The following MCFD2 variants were observed in gnomAD, a reference collection of about 807,000 sequenced individuals.
The protein encoded by MCFD2 is multiple coagulation factor deficiency 2, ER cargo receptor complex subunit, also known as multiple coagulation factor deficiency protein 2.
MCFD2 carries 11 observed loss-of-function variants against 12.8 expected under a neutral mutation model. That is an observed-to-expected ratio of 0.86 (90% confidence interval 0.54 to 1.42). The LOEUF (loss-of-function observed/expected upper bound fraction) is 1.42, where lower values mean the gene tolerates loss of function less well. Ranked by LOEUF, MCFD2 falls within the 40% of genes most tolerant of loss-of-function variation. The pLI is 0.00. For synonymous variants in MCFD2, 70 were observed against 68.1 expected (o/e 1.03, Z -0.14); for missense variants, 191 against 178.6 (o/e 1.07, Z -0.40).
chr2:46,941,823 C>T lies in MCFD2; in HGVS notation c.-259G>A. On this transcript the variant is annotated 5_prime_UTR_variant, in exon 1 of 3. Coordinates refer to the MCFD2 transcript ENST00000409147. The surrounding 1 kb of genome is among the most constrained non-coding windows in gnomAD (Gnocchi z 4.2). ...CAGACAGTCCTCGGCCGACAGCGGGCGCCTGCCAGCCCACCGTGCTAGTCT... is the reference window on the plus strand; with the variant it reads ...CAGACAGTCCTCGGCCGACAGCGGGTGCCTGCCAGCCCACCGTGCTAGTCT... 6.9e-7 allele frequency: 1 copy of T among 1,456,680 alleles called. No individual in the cohort carries two copies. The highest frequency in any genetic ancestry group is 9.3e-7 in the Non-Finnish European group (1 of 1,074,628). The allele number at this position is 1,456,680 out of a possible 1,614,324, so 90.2% of individuals were successfully genotyped here. A position where few individuals can be genotyped will look rare whatever the true frequency, so the allele number is the denominator to read the frequency against.
At chr2:46,912,975 A>G (rs1293273580) in intron 1 of MCFD2, among the ~76,000 whole-genome samples, 1 of 151,856 alleles carries the variant, frequency 6.6e-6, no homozygotes, top group African/African-American at 2.4e-5. Flanking sequence ...TCCTCCAACT[A>G]TGTGATTGGA....
upstream of MCFD2, chr2:46,916,035 T>C: frequency 2.0e-6 from 2 of 985,396 alleles, no homozygotes; most frequent in Non-Finnish European, 2.4e-6. Flanking sequence ...CTGGACGCCC[T>C]AGGGGCCCGG....
In MCFD2 at chr2:46,937,431, T is replaced by G. The variant is rs1319885759; in HGVS notation, c.-8+4141A>C. On this transcript the variant is annotated intron_variant, in intron 1 of 2. Transcript: ENST00000409147. This position sits in a 1 kb window ranked among gnomAD's most constrained non-coding sequence, Gnocchi z 4.0. The stretch of plus-strand genomic sequence containing the variant: ...GGATTTTAAGCCCTGTTTTCATTTT[T>G]AGCTGAAAGCCATTGTAAAAGACTC... Among the ~76,000 whole-genome samples the G allele has an allele frequency of 6.6e-6, 1 of 152,222 alleles. No homozygotes were observed. The highest frequency in any genetic ancestry group is 1.5e-5 in the Non-Finnish European group (1 of 68,048).
intron 1 of MCFD2, among the ~76,000 whole-genome samples, chr2:46,924,206 T>TA (rs34177384): frequency 0.025 from 3,225 of 128,584 alleles, 35 homozygotes; most frequent in Middle Eastern, 0.038. Flanking sequence ...CCTGTCTCTT[T>TA]AAAAAAAAAA....
intron 1 of MCFD2, among the ~76,000 whole-genome samples, chr2:46,910,565 A>T (rs1668442982): frequency 6.6e-6 from 1 of 152,188 alleles, no homozygotes. Context: ...CCTGGGGCTG[A>T]GAGGTAGAGG....
intron 1 of MCFD2, among the ~76,000 whole-genome samples, chr2:46,930,394 C>T (rs1247424465): frequency 6.8e-6 from 1 of 146,722 alleles, no homozygotes; most frequent in Non-Finnish European, 1.5e-5. Flanking sequence ...TAATTAACTT[C>T]ATGCCTAAAA....
chr2:46,927,906 T>TTC (rs1386880525), intron 1 of MCFD2, among the ~76,000 whole-genome samples: 1 of 138,298 alleles, frequency 7.2e-6, no homozygotes, highest in African/African-American at 2.7e-5. Flanking sequence ...TTTTTTTTTT[T>TTC]TTTTTGAGAC....
Position 46,908,252 on chromosome 2 carries a change from T to C in MCFD2, c.150-283A>G, listed in dbSNP as rs944378928. On this transcript the variant is annotated intron_variant, in intron 2 of 3. Transcript: ENST00000319466. This position sits in a 1 kb window ranked among gnomAD's most constrained non-coding sequence, Gnocchi z 4.5. ...TTTTCAGGCCATCAATTTAAAAATA[T>C]GTCCTTTAAAACTTTTTTTTTTTTT... The C allele has an allele frequency of 8.4e-6, 4 of 473,652 alleles. No individual in the cohort carries two copies. The highest frequency in any genetic ancestry group is 1.1e-5 in the Non-Finnish European group (3 of 261,198). 29.3% of individuals were successfully genotyped at this position (473,652 alleles called of 1,614,324 possible).
intron 1 of MCFD2, among the ~76,000 whole-genome samples, chr2:46,932,153 C>CTT (rs1173541336): frequency 2.8e-5 from 4 of 144,154 alleles, no homozygotes; most frequent in Non-Finnish European, 4.6e-5. Flanking sequence ...TTCTGGGATT[C>CTT]TTTTTTTTTT....
rs187697216 is a variant in MCFD2 at position 46,911,644 on chromosome 2, C to T, written c.-6-2467G>A. Reference sequence around the variant, plus strand: ...TGAGATTAGAATTGTGATTTTCAGCCGGCATGGTGGCTCGTGCCTGTAATC... The same window carrying T: ...TGAGATTAGAATTGTGATTTTCAGCTGGCATGGTGGCTCGTGCCTGTAATC... On this transcript the variant is annotated intron_variant, in intron 1 of 3. Coordinates refer to ENST00000319466, the MANE Select transcript of MCFD2 (RefSeq NM_139279.6). 8.6e-5 allele frequency among the ~76,000 whole-genome samples: 13 copies of T among 151,942 alleles called. No homozygotes were observed. In the East Asian group the frequency reaches 2.0e-3, roughly 23 times the overall value.
chr2:46,909,372 AG>A (rs146618604), intron 1 of MCFD2, among the ~76,000 whole-genome samples, 195 bp from the exon 2 acceptor site: 1 of 152,326 alleles, frequency 6.6e-6, no homozygotes, highest in African/African-American at 2.4e-5. Flanking sequence ...CTCAAATGGC[AG>A]GGGAAGGCTC....
chr2:46,915,582 C>T, intron 1 of MCFD2, 141 bp downstream of exon 1: 1 of 180,164 alleles, frequency 5.6e-6, no homozygotes, highest in Non-Finnish European at 1.1e-5. Flanking sequence ...TGCTCCTAGC[C>T]GGTTAAGCGT....
chr2:46,905,661 C>A, intron 3 of MCFD2, 67 bp from the exon 4 acceptor site: 24 of 1,014,766 alleles, frequency 2.4e-5, no homozygotes, highest in Non-Finnish European at 3.1e-5. Context: ...AACTAACGTC[C>A]AAAATATCCA....
chr2:46,927,934 C>G (rs1669482057), intron 1 of MCFD2, among the ~76,000 whole-genome samples: 1 of 130,830 alleles, frequency 7.6e-6, no homozygotes, highest in Non-Finnish European at 1.6e-5. Context: ...CACTCTGTCA[C>G]CCAGGCTGGA....
At chr2:46,924,345 T>C (rs1669277831) in intron 1 of MCFD2, among the ~76,000 whole-genome samples, 1 of 152,064 alleles carries the variant, frequency 6.6e-6, no homozygotes, top group Non-Finnish European at 1.5e-5. Flanking sequence ...CTAAGTTAGC[T>C]CCTTCTTAAT....
intron 3 of MCFD2, among the ~76,000 whole-genome samples, chr2:46,906,175 C>T (rs745911512): frequency 6.6e-6 from 1 of 152,180 alleles, no homozygotes; most frequent in African/African-American, 2.4e-5. Context: ...CTCCCACATT[C>T]ACCATTCCCT....
At chr2:46,936,845 AAACAGGATT>A (rs1397221918) in intron 1 of MCFD2, among the ~76,000 whole-genome samples, 2 of 151,326 alleles carry the variant, frequency 1.3e-5, no homozygotes, top group Non-Finnish European at 2.9e-5. Context: ...CATACAAAAG[AAACAGGATT>A]CCAAATTTTT....
At chr2:46,916,155 C>T, upstream of MCFD2, 12 of 985,518 alleles carry the variant, frequency 1.2e-5, no homozygotes, top group South Asian at 4.7e-5. Context: ...TCCGCTCACC[C>T]CCTCCTATAC....
In MCFD2 at chr2:46,908,917, C is replaced by A; in HGVS notation, c.149+106G>T. ...ATCATCCTTGAAGAATGTCAAGGAGCCATAGAAACAGGAAGAAGGAAAGGA... is the reference window on the plus strand; with the variant it reads ...ATCATCCTTGAAGAATGTCAAGGAGACATAGAAACAGGAAGAAGGAAAGGA... On this transcript the variant is annotated intron_variant, in intron 2 of 3. Transcript: ENST00000319466. The surrounding 1 kb of genome is among the most constrained non-coding windows in gnomAD (Gnocchi z 4.5). The A allele has an allele frequency of 5.1e-6, 7 of 1,382,162 alleles. No homozygotes were observed. The East Asian group carries it at 1.6e-4, about 32-fold the overall frequency. The allele number at this position is 1,382,162 out of a possible 1,614,324, so 85.6% of individuals were successfully genotyped here.
Sources: allele counts gnomAD v4.1 joint callset (sites outside exome capture counted in the v4.1 genomes callset), GRCh38; gene constraint gnomAD v4.1.1; non-coding constraint Gnocchi (gnomAD v3.1); transcripts MANE v1.5; gene names NCBI Gene and HGNC (gene_info 2026-07-23, HGNC 2026-07-21).